FARP1: variants seen among roughly 807,000 people sequenced by gnomAD.
The protein encoded by FARP1 is FERM, ARH/RhoGEF and pleckstrin domain protein 1, also known as FERM, ARHGEF and pleckstrin domain-containing protein 1.
FARP1 carries 52 observed loss-of-function variants against 128.8 expected under a neutral mutation model. The observed-to-expected ratio is 0.40, with a 90% CI of 0.32 to 0.51. FARP1 has a LOEUF of 0.51. FARP1 is among the 20% of genes least tolerant of loss of function. The pLI is 0.45. For synonymous variants in FARP1, 580 were observed against 551.8 expected (o/e 1.05, Z -0.72); for missense variants, 1,333 against 1,367.9 (o/e 0.97, Z 0.40).
chr13:98,219,441 A>G (rs1225947546), intron 2 of FARP1, among the ~76,000 whole-genome samples: 3 of 151,768 alleles, frequency 2.0e-5, no homozygotes, highest in Admixed American at 6.6e-5. Flanking sequence ...TGCAGCCTCA[A>G]ACTCCTGCCT....
intron 14 of FARP1, 148 bp from the exon 15 acceptor site, chr13:98,410,586 C>T: frequency 1.8e-6 from 1 of 549,724 alleles, no homozygotes; most frequent in Non-Finnish European, 3.4e-6. Flanking sequence ...TCTCCTAACC[C>T]AAAAAGGAGA....
rs368844069 is a variant in FARP1, at chr13:98,357,809, A to G, written c.277-7586A>G. 3.9e-5 allele frequency among the ~76,000 whole-genome samples: 6 copies of G among 152,200 alleles called. No homozygotes were observed. The East Asian group carries it at 5.8e-4, about 15-fold the overall frequency. On this transcript the variant is annotated intron_variant, in intron 3 of 26. Transcript: ENST00000319562. ...TGTCACATATGCTGCATACTTCTGT[A>G]TTACTGTAAGTTTTATTGAATTTGT...
At chr13:98,259,972 TAAAAC>T (rs1227700533) in intron 2 of FARP1, among the ~76,000 whole-genome samples, 2 of 151,352 alleles carry the variant, frequency 1.3e-5, no homozygotes, top group Admixed American at 1.3e-4. Context: ...TCCATGTTGA[TAAAAC>T]AAGGGAATCG....
intron 1 of FARP1, among the ~76,000 whole-genome samples, chr13:98,158,090 G>A (rs908508977): frequency 1.7e-4 from 26 of 152,028 alleles, no homozygotes; most frequent in African/African-American, 6.3e-4. Context: ...AGGATGTTAC[G>A]GTTTTCTTTG....
chr13:98,220,037 T>C (rs1881323137), intron 2 of FARP1, among the ~76,000 whole-genome samples: 2 of 92,690 alleles, frequency 2.2e-5, no homozygotes, highest in Admixed American at 9.6e-5. Flanking sequence ...CTGAAGAAAG[T>C]ATTTTTTTTT....
Position 98,311,867 on chromosome 13 carries a change from G to A in FARP1, c.172-31895G>A, listed in dbSNP as rs549412124. ...GTTGTTTTTTGTTTTTTTTTGAGACGGAGTCTCGCTCTGTCACCCAGGCTG... is the reference window on the plus strand; with the variant it reads ...GTTGTTTTTTGTTTTTTTTTGAGACAGAGTCTCGCTCTGTCACCCAGGCTG... On this transcript the variant is annotated intron_variant, in intron 2 of 26. Coordinates refer to ENST00000319562, the MANE Select transcript of FARP1 (RefSeq NM_005766.4). Among the ~76,000 whole-genome samples the A allele has an allele frequency of 1.2e-3, 184 of 148,456 alleles. 4 individuals carry two copies. The highest frequency in any genetic ancestry group is 9.2e-3 in the Admixed American group (135 of 14,724).
intron 8 of FARP1, among the ~76,000 whole-genome samples, chr13:98,387,635 TC>T (rs1890146703): frequency 1.3e-5 from 2 of 152,100 alleles, no homozygotes; most frequent in Admixed American, 1.3e-4. Context: ...ATCCGGCAGC[TC>T]CCCGTTGTTT....
intron 2 of FARP1, among the ~76,000 whole-genome samples, chr13:98,290,227 G>A (rs998290791): frequency 6.6e-6 from 1 of 151,942 alleles, no homozygotes. Flanking sequence ...ATGCCAGGTG[G>A]TACTAAGTAC....
chr13:98,253,398 C>T (rs1394944019), intron 2 of FARP1, among the ~76,000 whole-genome samples: 1 of 152,028 alleles, frequency 6.6e-6, no homozygotes, highest in Non-Finnish European at 1.5e-5. Flanking sequence ...CCATAGCAAC[C>T]GCATGAGTCA....
At chr13:98,280,555 G>A (rs79266052) in intron 2 of FARP1, among the ~76,000 whole-genome samples, 1,739 of 152,336 alleles carry the variant, frequency 0.011, 19 homozygotes, top group Non-Finnish European at 0.019. Context: ...AGCCTGGCCG[G>A]ACACCCGGTG....
At chr13:98,267,043 A>T (rs1384265593) in intron 2 of FARP1, among the ~76,000 whole-genome samples, 1 of 146,358 alleles carries the variant, frequency 6.8e-6, no homozygotes, top group Non-Finnish European at 1.5e-5. Context: ...AAGGGGTGGT[A>T]TACAAGTGCA....
intron 1 of FARP1, among the ~76,000 whole-genome samples, chr13:98,146,999 G>A: frequency 6.6e-6 from 1 of 152,048 alleles, no homozygotes; most frequent in South Asian, 2.1e-4. Context: ...TGGCCAGGAA[G>A]ATCAGAGCCA....
rs144097804 is a variant in FARP1, at chr13:98,262,705, A to G, written c.171+49292A>G. On this transcript the variant is annotated intron_variant, in intron 2 of 26. Transcript: ENST00000319562. ...GAGGTTTTGATGACATTAGTTGCAC[A>G]TGACTTTTAGTTGAAAATTTTTTTC... is the stretch of plus-strand genomic sequence containing the variant. Among the ~76,000 whole-genome samples the G allele has an allele frequency of 7.2e-5, 11 of 152,340 alleles. No homozygotes were observed. In the East Asian group the frequency reaches 2.1e-3, roughly 29 times the overall value.
At chr13:98,157,188 G>C (rs893814253) in intron 1 of FARP1, among the ~76,000 whole-genome samples, 3 of 152,150 alleles carry the variant, frequency 2.0e-5, no homozygotes, top group Admixed American at 2.0e-4. Flanking sequence ...AAAAGTTTTG[G>C]TTTTAAAGTG....
At position 98,182,331 on chromosome 13, in the gene FARP1, G is replaced by A. The variant is rs148589524; in HGVS notation, c.-23-30889G>A. On this transcript the variant is annotated intron_variant, in intron 1 of 26. Coordinates refer to ENST00000319562, the MANE Select transcript of FARP1 (RefSeq NM_005766.4). ...GGTTCATTGTTTTATTTATTTAATCGATTTTATTTTTTGAGACAGGATCTT... is the reference window on the plus strand; with the variant it reads ...GGTTCATTGTTTTATTTATTTAATCAATTTTATTTTTTGAGACAGGATCTT... Among the ~76,000 whole-genome samples the A allele has an allele frequency of 4.8e-3, 730 of 151,768 alleles. 8 individuals are homozygous for A. The highest frequency in any genetic ancestry group is 0.017 in the African/African-American group (686 of 41,376).
chr13:98,353,037 G>A (rs748351256), intron 3 of FARP1, among the ~76,000 whole-genome samples: 21 of 152,120 alleles, frequency 1.4e-4, no homozygotes, highest in Non-Finnish European at 2.4e-4. Context: ...CAATTTGGGG[G>A]TGGGGGCACC....
intron 1 of FARP1, among the ~76,000 whole-genome samples, chr13:98,184,018 G>C (rs1257738615): frequency 6.6e-6 from 1 of 151,976 alleles, no homozygotes; most frequent in Non-Finnish European, 1.5e-5. Context: ...CATCCACATG[G>C]TTTCTCCTTC....
Position 98,385,775 on chromosome 13 carries a change from C to A in FARP1, c.720C>A (p.Ile240=), listed in dbSNP as rs759821748. The change falls in exon 8 of 27, where the codon ATC becomes ATA. Residue 240 remains isoleucine (I), a synonymous_variant. Transcript: ENST00000319562. ...HPAKDREGTK[I]NLAVANTGIL... ...CCAAGGACAGGGAAGGCACGAAGAT[C>A]AATCTGGCCGTTGCCAACACGGGAA... 5 of 1,614,168 alleles carry A rather than the reference C, an allele frequency of 3.1e-6. No homozygotes were observed. Among genetic ancestry groups the A allele is most frequent in the Non-Finnish European group, 4.2e-6 (5 of 1,180,040 alleles).
intron 1 of FARP1, among the ~76,000 whole-genome samples, chr13:98,160,244 A>T (rs1594212514): frequency 2.0e-5 from 3 of 152,172 alleles, no homozygotes; most frequent in African/African-American, 7.2e-5. Context: ...GAACTGAGAA[A>T]TGAAGCCTCC....
Sources: allele counts gnomAD v4.1 joint callset (sites outside exome capture counted in the v4.1 genomes callset), GRCh38; gene constraint gnomAD v4.1.1; transcripts MANE v1.5; gene names NCBI Gene and HGNC (gene_info 2026-07-23, HGNC 2026-07-21).